LDLRAD4: variants seen among roughly 807,000 people sequenced by gnomAD.
LDLRAD4 encodes the protein low density lipoprotein receptor class A domain containing 4.
A neutral mutation model predicts 17.0 loss-of-function variants in LDLRAD4; 5 were observed. The observed-to-expected ratio is 0.29, with a 90% CI of 0.15 to 0.62. LDLRAD4 has a LOEUF of 0.62. Among genes scored for constraint, LDLRAD4 ranks in the 20% least tolerant of loss-of-function variants. The pLI is 0.84. For missense variants in LDLRAD4, 340 were observed against 424.7 expected (o/e 0.80, Z 1.75); for synonymous variants, 168 against 171.8 (o/e 0.98, Z 0.17).
At chr18:13,446,959 G>GGT (rs2091450457) in intron 3 of LDLRAD4, among the ~76,000 whole-genome samples, 1 of 152,226 alleles carries the variant, frequency 6.6e-6, no homozygotes, top group Non-Finnish European at 1.5e-5. Context: ...GACTGCAGGG[G>GGT]GTGTGGGTCA....
chr18:13,412,654 A>G (rs1328355166), intron 2 of LDLRAD4, among the ~76,000 whole-genome samples: 3 of 152,172 alleles, frequency 2.0e-5, no homozygotes. Flanking sequence ...TGAACTAGCT[A>G]TATAATTACG....
intron 3 of LDLRAD4, among the ~76,000 whole-genome samples, chr18:13,555,320 C>T (rs988639742): frequency 6.6e-5 from 10 of 152,180 alleles, no homozygotes; most frequent in African/African-American, 2.4e-4. Context: ...ACCATTTAAC[C>T]TCAGCACTAT....
intron 1 of LDLRAD4, among the ~76,000 whole-genome samples, chr18:13,381,472 A>G (rs2085360803): frequency 2.0e-5 from 3 of 152,202 alleles, no homozygotes; most frequent in African/African-American, 2.4e-5. Flanking sequence ...TCCTCATTGT[A>G]TAAAAGAGGA....
chr18:13,304,411 G>T (rs1032362844), intron 1 of LDLRAD4, among the ~76,000 whole-genome samples: 2 of 152,210 alleles, frequency 1.3e-5, no homozygotes, highest in Non-Finnish European at 2.9e-5. Context: ...TGGCCCTCTT[G>T]GTGCTAGTGT....
chr18:13,369,353 G>A (rs2084293700), intron 1 of LDLRAD4, among the ~76,000 whole-genome samples: 1 of 152,226 alleles, frequency 6.6e-6, no homozygotes, highest in Admixed American at 6.5e-5. Context: ...ATGCGCAGGT[G>A]TCAGGCGCTC....
chr18:13,576,867 C>T (rs1186482568), intron 3 of LDLRAD4, among the ~76,000 whole-genome samples: 4 of 152,236 alleles, frequency 2.6e-5, no homozygotes, highest in African/African-American at 7.2e-5. Context: ...CCATGAGCTC[C>T]GCTCAGAGAA....
At chr18:13,230,449 C>G (rs1034648046) in intron 1 of LDLRAD4, among the ~76,000 whole-genome samples, 3 of 152,112 alleles carry the variant, frequency 2.0e-5, no homozygotes, top group Non-Finnish European at 2.9e-5. Flanking sequence ...ATTTTTACTC[C>G]ATTTTTCAAA....
chr18:13,429,685 TC>T (rs2090195434), intron 2 of LDLRAD4, among the ~76,000 whole-genome samples: 1 of 152,222 alleles, frequency 6.6e-6, no homozygotes. Flanking sequence ...AAAGAGGCTT[TC>T]AGGCCTTTCA....
intron 3 of LDLRAD4, among the ~76,000 whole-genome samples, chr18:13,580,290 C>G (rs1241705627): frequency 6.6e-6 from 1 of 152,254 alleles, no homozygotes; most frequent in East Asian, 1.9e-4. Context: ...GGTCTAGGCA[C>G]AGCTGTGGTC....
At chr18:13,592,903 A>G (rs1000672839) in intron 3 of LDLRAD4, among the ~76,000 whole-genome samples, 3 of 152,362 alleles carry the variant, frequency 2.0e-5, no homozygotes, top group African/African-American at 7.2e-5. Context: ...AGCATTTAGT[A>G]TCTGATTCTC....
At chr18:13,448,403 T>A (rs573382709) in intron 3 of LDLRAD4, among the ~76,000 whole-genome samples, 9 of 152,198 alleles carry the variant, frequency 5.9e-5, no homozygotes, top group Non-Finnish European at 1.3e-4. Context: ...TTCTTCATGC[T>A]GGGTCTCTTC....
In LDLRAD4 at chr18:13,438,403, C is replaced by A; in HGVS notation, c.181+19C>A. ...TTCAACTGTAAGTCTCTCCTCCCAC[C>A]TGGGTGGCACTGTCTGATGTGGTTC... On this transcript the variant is annotated intron_variant, in intron 3 of 5. Coordinates refer to ENST00000359446, the Ensembl canonical transcript of LDLRAD4. 1 of 1,609,342 alleles carries A rather than the reference C, an allele frequency of 6.2e-7. No individual in the cohort carries two copies. The highest frequency in any genetic ancestry group is 8.5e-7 in the Non-Finnish European group (1 of 1,176,510).
intron 3 of LDLRAD4, among the ~76,000 whole-genome samples, chr18:13,593,167 G>C (rs980214230): frequency 6.6e-6 from 1 of 152,074 alleles, no homozygotes; most frequent in African/African-American, 2.4e-5. Flanking sequence ...ACATAAATTA[G>C]CCGGACATGG....
intron 3 of LDLRAD4, among the ~76,000 whole-genome samples, chr18:13,590,071 G>A (rs1217596279): frequency 6.6e-6 from 1 of 151,346 alleles, no homozygotes; most frequent in African/African-American, 2.4e-5. Flanking sequence ...CTGCATGTGT[G>A]TGGGTGTGCA....
intron 2 of LDLRAD4, among the ~76,000 whole-genome samples, chr18:13,393,505 G>A (rs939981469): frequency 1.3e-5 from 2 of 152,144 alleles, no homozygotes; most frequent in Non-Finnish European, 2.9e-5. Flanking sequence ...TGCAGCTCCC[G>A]TGTGCCTGTC....
intron 1 of LDLRAD4, among the ~76,000 whole-genome samples, chr18:13,321,861 C>CAAAAAAAAAAAAAAAAA (rs57033432): frequency 6.0e-4 from 37 of 62,142 alleles, no homozygotes; most frequent in East Asian, 2.2e-3. Flanking sequence ...GACTCCGTCT[C>CAAAAAAAAAAAAAAAAA]AAAAAAAAAA....
intron 3 of LDLRAD4, among the ~76,000 whole-genome samples, chr18:13,508,667 C>T (rs904769781): frequency 6.6e-6 from 1 of 152,058 alleles, no homozygotes; most frequent in Non-Finnish European, 1.5e-5. Flanking sequence ...TATTTTTAGC[C>T]CACTGTTGAG....
At chr18:13,404,823 A>G (rs966122153) in intron 2 of LDLRAD4, among the ~76,000 whole-genome samples, 2 of 151,984 alleles carry the variant, frequency 1.3e-5, no homozygotes, top group African/African-American at 4.8e-5. Context: ...TTATATTAAG[A>G]TGCTTAAAAA....
chr18:13,483,208 A>G (rs2093135820), intron 3 of LDLRAD4, among the ~76,000 whole-genome samples: 1 of 152,132 alleles, frequency 6.6e-6, no homozygotes, highest in South Asian at 2.1e-4. Flanking sequence ...CTCCACAGAG[A>G]GAATATATTG....
Sources: gnomAD v4.1 joint callset for allele counts (sites outside exome capture counted in the v4.1 genomes callset) on GRCh38, gnomAD v4.1.1 for gene constraint, MANE v1.5 for transcripts, NCBI Gene and HGNC (gene_info 2026-07-23, HGNC 2026-07-21) for gene names.